INPP4B: variants seen among roughly 807,000 people sequenced by gnomAD.
INPP4B encodes inositol polyphosphate 4-phosphatase type II.
In INPP4B, 55 loss-of-function variants were observed where a neutral mutation model predicts 122.5. The observed-to-expected ratio is 0.45, with a 90% CI of 0.36 to 0.56. INPP4B has a LOEUF of 0.56. Among genes scored for constraint, INPP4B ranks in the 20% least tolerant of loss-of-function variants. The pLI, the probability that INPP4B is intolerant of heterozygous loss-of-function variation, is 0.00. For synonymous variants in INPP4B, 403 were observed against 388.7 expected, an observed-to-expected ratio of 1.04 and a Z score of -0.43; for missense variants, 1,000 against 1,097.7, an observed-to-expected ratio of 0.91 and a Z score of 1.26.
Position 142,027,172 on chromosome 4 carries a change from A to G in INPP4B, c.*1610T>C, listed in dbSNP as rs1737261015. On this transcript the variant is annotated 3_prime_UTR_variant, in exon 26 of 26. Coordinates refer to ENST00000262992, the MANE Select transcript of INPP4B (RefSeq NM_001101669.3). The stretch of plus-strand genomic sequence containing the variant: ...TGTAAGTAGTTTGGTACCTGCCTCA[A>G]GTATAATGCCCACAGGTAATTAGCT... 1 of 152,236 alleles carries G rather than the reference A, an allele frequency of 6.6e-6. No individual in the cohort carries two copies. The highest frequency in any genetic ancestry group is 1.5e-5 in the Non-Finnish European group (1 of 68,038). The allele number at this position is 152,236 out of a possible 1,614,324, so 9.4% of individuals were successfully genotyped here. A position where few individuals can be genotyped will look rare whatever the true frequency, so the allele number is the denominator to read the frequency against.
intron 3 of INPP4B, among the ~76,000 whole-genome samples, chr4:142,459,141 GTGTT>G (rs892420810): frequency 6.6e-6 from 1 of 152,136 alleles, no homozygotes; most frequent in African/African-American, 2.4e-5. Flanking sequence ...CTTGGTGTTT[GTGTT>G]TGTTAGGAAA....
At chr4:142,565,870 T>G (rs945831915) in intron 2 of INPP4B, 2 of 152,286 alleles carry the variant, frequency 1.3e-5, no homozygotes, top group South Asian at 4.1e-4. Flanking sequence ...CTGGTATCCT[T>G]GCCAAAAATG....
At chr4:142,643,622 T>A (rs1751039680) in intron 2 of INPP4B, among the ~76,000 whole-genome samples, 1 of 152,208 alleles carries the variant, frequency 6.6e-6, no homozygotes, top group Non-Finnish European at 1.5e-5. Context: ...AAGATAACTC[T>A]GTAACAGCTC....
At chr4:142,324,376 C>T (rs1436530929) in intron 7 of INPP4B, among the ~76,000 whole-genome samples, 1 of 152,154 alleles carries the variant, frequency 6.6e-6, no homozygotes, top group African/African-American at 2.4e-5. Flanking sequence ...AACAGCCTGA[C>T]TGGCCTTTGC....
At chr4:142,645,781 G>A (rs565079387) in intron 2 of INPP4B, among the ~76,000 whole-genome samples, 2 of 152,290 alleles carry the variant, frequency 1.3e-5, no homozygotes, top group South Asian at 2.1e-4. Flanking sequence ...TGCCATTTTG[G>A]TTTCTTTTTT....
At chr4:142,811,024 T>C (rs907406911) in intron 1 of INPP4B, among the ~76,000 whole-genome samples, 2 of 152,248 alleles carry the variant, frequency 1.3e-5, no homozygotes, top group East Asian at 3.8e-4. Flanking sequence ...GCTGACATTT[T>C]TCTGCACTGG....
intron 2 of INPP4B, among the ~76,000 whole-genome samples, chr4:142,677,734 A>T (rs1758022627): frequency 1.3e-5 from 2 of 152,046 alleles, no homozygotes; most frequent in Non-Finnish European, 2.9e-5. Flanking sequence ...TAGCAAACTA[A>T]CACAGGAACA....
At chr4:142,334,615 T>C (rs1775902165) in intron 7 of INPP4B, among the ~76,000 whole-genome samples, 1 of 152,174 alleles carries the variant, frequency 6.6e-6, no homozygotes, top group Non-Finnish European at 1.5e-5. Flanking sequence ...CCAACACTTG[T>C]TATCTCATGT....
At chr4:142,258,734 G>A (rs1737920231) in intron 11 of INPP4B, among the ~76,000 whole-genome samples, 1 of 152,132 alleles carries the variant, frequency 6.6e-6, no homozygotes, top group Non-Finnish European at 1.5e-5. Flanking sequence ...GGAGAAATAG[G>A]AACACTTTTA....
chr4:142,089,476 C>G lies in INPP4B; in HGVS notation c.2375-3220G>C, dbSNP rs1468030920. 4.8e-3 allele frequency among the ~76,000 whole-genome samples: 570 copies of G among 119,528 alleles called. 4 individuals carry two copies. The highest frequency in any genetic ancestry group is 7.8e-3 in the Non-Finnish European group (427 of 54,772). The allele number at this position is 119,528 out of a possible 152,430, so 78.4% of individuals were successfully genotyped here. On this transcript the variant is annotated intron_variant, in intron 23 of 25. Transcript: ENST00000262992. The stretch of plus-strand genomic sequence containing the variant: ...ACACACACACACACACACACACACA[C>G]ACACAGAGAGAGAGAGAGAGAAAGT...
At position 142,024,466 on chromosome 4, in the gene INPP4B, C is replaced by A. The variant is rs1397686544; in HGVS notation, c.*4316G>T. The A allele has an allele frequency of 1.3e-5, 2 of 152,142 alleles. No homozygotes were observed. Among genetic ancestry groups the A allele is most frequent in the African/African-American group, 4.8e-5 (2 of 41,430 alleles). The allele number at this position is 152,142 out of a possible 1,614,324, so 9.4% of individuals were successfully genotyped here. On this transcript the variant is annotated 3_prime_UTR_variant, in exon 26 of 26. Coordinates refer to ENST00000262992, the MANE Select transcript of INPP4B (RefSeq NM_001101669.3). ...CCTTGTGTTCAATATGTTTCCTTCC[C>A]TCTGTAACTGATGATCACAGTTTTT...
intron 2 of INPP4B, among the ~76,000 whole-genome samples, chr4:142,484,017 T>C (rs952034495): frequency 5.9e-5 from 9 of 152,054 alleles, no homozygotes; most frequent in African/African-American, 1.7e-4. Flanking sequence ...TGGGATATCA[T>C]GTACACTTCA....
chr4:142,133,275 T>G (rs185628944), intron 18 of INPP4B, among the ~76,000 whole-genome samples: 169 of 152,290 alleles, frequency 1.1e-3, no homozygotes, highest in African/African-American at 3.4e-3. Context: ...ATTTCCAAAT[T>G]AATGTCTTTA....
intron 7 of INPP4B, among the ~76,000 whole-genome samples, chr4:142,357,065 T>G (rs1120454): frequency 0.41 from 62,960 of 151,816 alleles, 13,401 homozygotes; most frequent in East Asian, 0.64. Flanking sequence ...CTTGCCCTAT[T>G]TACCTCTTCA....
chr4:142,383,845 T>G, intron 7 of INPP4B: 1 of 478,108 alleles, frequency 2.1e-6, no homozygotes, highest in Admixed American at 3.7e-5. Flanking sequence ...ATTTATGATG[T>G]TTTGTGCTTT....
chr4:142,643,339 A>G (rs1750971774), intron 2 of INPP4B, among the ~76,000 whole-genome samples: 1 of 152,248 alleles, frequency 6.6e-6, no homozygotes, highest in South Asian at 2.1e-4. Context: ...GGGAAGATAA[A>G]AACAGAAAGT....
rs1233676098 is a variant in INPP4B, at chr4:142,405,232, T to C, written c.229A>G (p.Arg77Gly). The C allele has an allele frequency of 6.2e-7, 1 of 1,610,938 alleles. No individual in the cohort carries two copies. The highest frequency in any genetic ancestry group is 8.5e-7 in the Non-Finnish European group (1 of 1,177,264). ...VIHPVEQSLTRYSSTEIVEGT... is the reference protein window; with the variant it reads ...VIHPVEQSLTGYSSTEIVEGT... ...TCCACAATTTCGGTGCTGGAGTATCTTGTCAGACTCTGCTCCACGGGGTGG... is the reference window on the plus strand; with the variant it reads ...TCCACAATTTCGGTGCTGGAGTATCCTGTCAGACTCTGCTCCACGGGGTGG... Residue 77 changes from arginine (R) to glycine (G), a missense_variant, in exon 6 of 26, where the codon AGA becomes GGA. Arg to Gly is a moderately radical substitution (Grantham distance 125, BLOSUM62 -2). Coordinates refer to ENST00000262992, the MANE Select transcript of INPP4B (RefSeq NM_001101669.3).
At chr4:142,100,698 T>G (rs1338570309) in intron 23 of INPP4B, among the ~76,000 whole-genome samples, 1 of 152,120 alleles carries the variant, frequency 6.6e-6, no homozygotes, top group African/African-American at 2.4e-5. Context: ...AAGCTTGACC[T>G]CCTCCTCAAA....
intron 2 of INPP4B, among the ~76,000 whole-genome samples, chr4:142,571,367 T>C (rs1732785859): frequency 6.6e-6 from 1 of 152,166 alleles, no homozygotes; most frequent in African/African-American, 2.4e-5. Context: ...AAATGATTAC[T>C]GTAGTCAAGC....
Sources: gnomAD v4.1 joint callset for allele counts (sites outside exome capture counted in the v4.1 genomes callset) on GRCh38, gnomAD v4.1.1 for gene constraint, MANE v1.5 for transcripts, NCBI Gene and HGNC (gene_info 2026-07-23, HGNC 2026-07-21) for gene names.